The following ZNF385D variants were observed in gnomAD, a reference collection of about 807,000 sequenced individuals.
The protein encoded by ZNF385D is zinc finger protein 385D, also known as zinc finger protein 659.
Under a neutral mutation model 35.8 loss-of-function variants are expected in ZNF385D, and 15 were observed. That is an observed-to-expected ratio of 0.42 (90% CI 0.28 to 0.64). The LOEUF is 0.64. Ranked by LOEUF, ZNF385D falls within the 30% of genes least tolerant of loss-of-function variation. The pLI is 0.23. For synonymous variants in ZNF385D, 212 were observed against 186.8 expected (o/e 1.13, Z -1.10); for missense variants, 474 against 494.6 (o/e 0.96, Z 0.39).
rs138747791 is a variant in ZNF385D, at chr3:21,642,103, C to T, written c.165+22783G>A. 2.9e-4 allele frequency among the ~76,000 whole-genome samples: 44 copies of T among 152,168 alleles called. 1 individual carries two copies. The East Asian group carries it at 8.2e-3, about 28-fold the overall frequency. On this transcript the variant is annotated intron_variant, in intron 2 of 7. Transcript: ENST00000281523. Reference sequence around the variant, plus strand: ...GGTTGTGGTGGCCAGATTTTCACACCCTATGCAAATGGCACACCTAGCCTT... The same window carrying T: ...GGTTGTGGTGGCCAGATTTTCACACTCTATGCAAATGGCACACCTAGCCTT...
chr3:21,916,342 C>G (rs1021707256), intron 3 of ZNF385D, among the ~76,000 whole-genome samples: 1 of 152,078 alleles, frequency 6.6e-6, no homozygotes, highest in African/African-American at 2.4e-5. Context: ...TTTTGTTCTT[C>G]AAACTAACCC....
intron 1 of ZNF385D, among the ~76,000 whole-genome samples, chr3:21,702,398 C>A (rs918723275): frequency 6.6e-6 from 1 of 152,156 alleles, no homozygotes; most frequent in African/African-American, 2.4e-5. Context: ...TGCCACAGCA[C>A]GGGAACCCTG....
intron 2 of ZNF385D, among the ~76,000 whole-genome samples, chr3:22,359,832 T>C (rs1696333946): frequency 6.6e-6 from 1 of 151,970 alleles, no homozygotes; most frequent in Admixed American, 6.6e-5. Flanking sequence ...GAATTTATAA[T>C]ATCATTTATA....
At chr3:21,821,288 G>A (rs993931797) in intron 3 of ZNF385D, among the ~76,000 whole-genome samples, 8 of 151,980 alleles carry the variant, frequency 5.3e-5, no homozygotes, top group African/African-American at 1.7e-4. Context: ...GTTAAGAAAT[G>A]TAAATAGTCA....
chr3:22,028,010 T>C (rs913560607), intron 3 of ZNF385D, among the ~76,000 whole-genome samples: 17 of 152,100 alleles, frequency 1.1e-4, no homozygotes, highest in Admixed American at 1.0e-3. Context: ...CTTCGAGCAG[T>C]GCACCTGGTT....
intron 3 of ZNF385D, among the ~76,000 whole-genome samples, chr3:21,886,659 A>G (rs1698563560): frequency 6.6e-6 from 1 of 152,168 alleles, no homozygotes; most frequent in African/African-American, 2.4e-5. Flanking sequence ...GCATCTGTAG[A>G]AAGAAATGGA....
intron 2 of ZNF385D, among the ~76,000 whole-genome samples, chr3:22,330,973 T>A (rs1242327416): frequency 6.6e-6 from 1 of 152,210 alleles, no homozygotes; most frequent in African/African-American, 2.4e-5. Context: ...CACCTTATTG[T>A]GCTGCTACAC....
At chr3:21,836,716 T>G (rs1005261278) in intron 3 of ZNF385D, among the ~76,000 whole-genome samples, 4 of 152,134 alleles carry the variant, frequency 2.6e-5, no homozygotes, top group African/African-American at 4.8e-5. Flanking sequence ...ACACTAAGAT[T>G]TGAATTTTAT....
rs563271231 is a variant in ZNF385D at position 21,696,505 on chromosome 3, G to A, written c.23-31477C>T. On this transcript the variant is annotated intron_variant, in intron 1 of 7. Coordinates refer to ENST00000281523, the MANE Select transcript of ZNF385D (RefSeq NM_024697.3). ...CAGTCATGTAGAAGCTGGCCCATAT[G>A]AGTGAAACCCAGGCAGTAAATTCAG... 1.8e-4 allele frequency among the ~76,000 whole-genome samples: 27 copies of A among 152,272 alleles called. No individual in the cohort carries two copies. In the South Asian group the frequency reaches 3.5e-3, roughly 20 times the overall value.
intron 3 of ZNF385D, among the ~76,000 whole-genome samples, chr3:21,850,381 G>T (rs1418881400): frequency 6.6e-6 from 1 of 152,088 alleles, no homozygotes; most frequent in Non-Finnish European, 1.5e-5. Context: ...AGTATTTACA[G>T]AAGATGGGAT....
chr3:22,334,340 G>T (rs1472399489), intron 2 of ZNF385D, among the ~76,000 whole-genome samples: 4 of 151,990 alleles, frequency 2.6e-5, no homozygotes, highest in Non-Finnish European at 5.9e-5. Flanking sequence ...AAATTAGATA[G>T]TATTGACTTA....
chr3:21,726,263 G>T (rs558842831), intron 1 of ZNF385D, among the ~76,000 whole-genome samples: 2 of 152,040 alleles, frequency 1.3e-5, no homozygotes, highest in Non-Finnish European at 2.9e-5. Context: ...TTTGAAAACC[G>T]GCATAAGACA....
intron 4 of ZNF385D, among the ~76,000 whole-genome samples, chr3:21,445,225 T>C (rs537846271): frequency 3.3e-5 from 5 of 152,152 alleles, no homozygotes; most frequent in African/African-American, 1.2e-4. Context: ...AGACAATGGG[T>C]CTCCCCTACA....
chr3:22,046,802 C>T (rs1251982521), intron 3 of ZNF385D, among the ~76,000 whole-genome samples: 3 of 151,910 alleles, frequency 2.0e-5, no homozygotes, highest in Non-Finnish European at 4.4e-5. Context: ...TTTTCTAAGT[C>T]GAATTGTATT....
chr3:21,516,521 A>T (rs2125486584), intron 3 of ZNF385D, among the ~76,000 whole-genome samples: 1 of 152,286 alleles, frequency 6.6e-6, no homozygotes, highest in South Asian at 2.1e-4. Context: ...GACTCTGATC[A>T]ATGGAGATGG....
At chr3:22,137,925 C>T (rs11129046) in intron 3 of ZNF385D, among the ~76,000 whole-genome samples, 14,159 of 151,940 alleles carry the variant, frequency 0.093, 808 homozygotes, top group South Asian at 0.17. Context: ...AAAACCCCAT[C>T]GTCTCAGCCC....
rs140964943 is a variant in ZNF385D, at chr3:21,973,181, G to A, written c.325+195636C>T. On this transcript the variant is annotated intron_variant, in intron 3 of 5. Transcript: ENST00000494108. ...GAATTTCCTCAACAAAATACCAAAC[G>A]ACCAAATTCAACAATACATTAAAAA... Among the ~76,000 whole-genome samples, 398 of 151,558 alleles carry A rather than the reference G, an allele frequency of 2.6e-3. 2 individuals carry two copies. Among genetic ancestry groups the A allele is most frequent in the African/African-American group, 9.2e-3 (379 of 41,420 alleles).
intron 3 of ZNF385D, among the ~76,000 whole-genome samples, chr3:21,869,352 T>C (rs1284925050): frequency 6.6e-6 from 1 of 152,128 alleles, no homozygotes; most frequent in African/African-American, 2.4e-5. Context: ...TGTAGCAGTA[T>C]ATGTATTAAC....
intron 4 of ZNF385D, among the ~76,000 whole-genome samples, chr3:21,488,722 G>T (rs1705206423): frequency 6.6e-6 from 1 of 151,960 alleles, no homozygotes; most frequent in Non-Finnish European, 1.5e-5. Context: ...TAAAAAAATG[G>T]CAACTGGAAG....
Sources: gnomAD v4.1 joint callset for allele counts (sites outside exome capture counted in the v4.1 genomes callset) on GRCh38, gnomAD v4.1.1 for gene constraint, MANE v1.5 for transcripts, NCBI Gene and HGNC (gene_info 2026-07-23, HGNC 2026-07-21) for gene names.